The following GALK2 variants were observed in gnomAD, a reference collection of about 807,000 sequenced individuals.
The protein encoded by GALK2 is N-acetylgalactosamine kinase.
In GALK2, 36 loss-of-function variants were observed where a neutral mutation model predicts 52.4. The observed-to-expected ratio is 0.69, with a 90% CI of 0.53 to 0.91. The LOEUF (loss-of-function observed/expected upper bound fraction) is 0.91. Among genes scored for constraint, GALK2 ranks in the 40% least tolerant of loss-of-function variants. The pLI, the probability that GALK2 is intolerant of heterozygous loss-of-function variation, is 0.00. For synonymous variants in GALK2, 176 were observed against 199.1 expected (o/e 0.88, Z 0.98); for missense variants, 579 against 559.1 (o/e 1.04, Z -0.36).
At position 49,328,086 on chromosome 15, in the gene GALK2, G is replaced by C; in HGVS notation, c.1304G>C (p.Ser435Thr). ...GCTTATTACCAGAGGAGTGATGGAA[G>C]CTTAGCACCGGAGAAGCAAAGTTTG... ...HKAYYQRSDG[S>T]LAPEKQSLFA... The change falls in exon 10 of 10, where the codon AGC (serine) becomes ACC (threonine). Residue 435 changes from serine (S) to threonine (T), a missense_variant. Physicochemically the swap from Ser to Thr is moderately conservative, Grantham distance 58. Coordinates refer to ENST00000560031, the MANE Select transcript of GALK2 (RefSeq NM_002044.4). 6.2e-7 allele frequency: 1 copy of C among 1,614,098 alleles called. No individual in the cohort carries two copies. The highest frequency in any genetic ancestry group is 8.5e-7 in the Non-Finnish European group (1 of 1,179,986).
At chr15:49,267,390 C>T (rs984344913) in intron 5 of GALK2, among the ~76,000 whole-genome samples, 2 of 152,178 alleles carry the variant, frequency 1.3e-5, no homozygotes, top group African/African-American at 4.8e-5. Context: ...GGTGTTCTCA[C>T]TAAACTGATT....
intron 3 of GALK2, chr15:49,225,252 A>G (rs1213117139): frequency 6.6e-6 from 3 of 455,850 alleles, no homozygotes; most frequent in East Asian, 7.0e-5. Context: ...TGACCTGCAG[A>G]TAGGCCACAC....
chr15:49,267,250 A>C (rs1448050874), intron 5 of GALK2, among the ~76,000 whole-genome samples: 1 of 152,200 alleles, frequency 6.6e-6, no homozygotes, highest in Non-Finnish European at 1.5e-5. Context: ...AGGAGTAATG[A>C]GGATTCCAGC....
At chr15:49,291,898 T>C (rs1242051792) in intron 7 of GALK2, among the ~76,000 whole-genome samples, 1 of 152,232 alleles carries the variant, frequency 6.6e-6, no homozygotes, top group African/African-American at 2.4e-5. Flanking sequence ...CCTAATTGGA[T>C]GTACAGTATC....
exon 4 of GALK2, chr15:49,367,528 A>T (rs1489231340): frequency 6.2e-7 from 1 of 1,607,252 alleles, no homozygotes; most frequent in Non-Finnish European, 8.5e-7. Context: ...GCATCTTAAG[A>T]TAATATAAAA....
chr15:49,282,068 C>G lies in GALK2; in HGVS notation c.586C>G (p.Leu196Val). 1.2e-6 allele frequency: 2 copies of G among 1,612,404 alleles called. No individual in the cohort carries two copies. The highest frequency in any genetic ancestry group is 1.7e-6 in the Non-Finnish European group (2 of 1,178,574). The change falls in exon 6 of 10, where the codon CTT becomes GTT. Residue 196 changes from leucine (L) to valine (V), a missense_variant. By Grantham distance (32) the Leu-to-Val change is conservative. Transcript: ENST00000560031. ...GGGMDQSISF[L>V]AEEGTAKLIE... ...AGGCATGGACCAGTCTATATCATTT[C>G]TTGCAGAAGAAGGAACTGTAGGTAG...
At chr15:49,355,492 G>A (rs549059995) in intron 3 of GALK2, among the ~76,000 whole-genome samples, 57 of 152,254 alleles carry the variant, frequency 3.7e-4, no homozygotes, top group African/African-American at 1.1e-3. Flanking sequence ...GGGTATCAGC[G>A]ATGGAAGATG....
chr15:49,338,837 T>A (rs911242718), intron 3 of GALK2, among the ~76,000 whole-genome samples: 5 of 152,214 alleles, frequency 3.3e-5, no homozygotes, highest in African/African-American at 1.2e-4. Flanking sequence ...TTTCATTCTT[T>A]TTTTCTCTAA....
chr15:49,365,560 C>A lies in GALK2; in HGVS notation c.427-1931C>A, dbSNP rs1596582494. ...CAATGTTTCAGTATTTTCAAAAGGT[C>A]CAGCTGCAAGTTTAACCATGATACT... On this transcript the variant is annotated intron_variant, in intron 3 of 3. Coordinates refer to the GALK2 transcript ENST00000558399. 1.0e-5 allele frequency: 9 copies of A among 887,670 alleles called. No individual in the cohort carries two copies. The East Asian group carries it at 2.2e-4, about 21-fold the overall frequency. 55.0% of individuals were successfully genotyped at this position (887,670 alleles called of 1,614,324 possible).
chr15:49,182,858 G>T (rs1400019534), intron 1 of GALK2, among the ~76,000 whole-genome samples: 1 of 151,964 alleles, frequency 6.6e-6, no homozygotes. Context: ...CTATTACATT[G>T]TTTAAGCTCA....
intron 3 of GALK2, among the ~76,000 whole-genome samples, chr15:49,232,084 T>C (rs758183818): frequency 6.6e-6 from 1 of 152,234 alleles, no homozygotes; most frequent in Non-Finnish European, 1.5e-5. Flanking sequence ...GTAGAGATTC[T>C]CCATGACGGC....
chr15:49,194,971 A>G (rs1017370424), intron 1 of GALK2: 7 of 351,592 alleles, frequency 2.0e-5, no homozygotes, highest in African/African-American at 1.1e-4. Context: ...ATTTTTTGGG[A>G]GATTTAGTTG....
chr15:49,168,937 G>C (rs2084916882), upstream of GALK2: 1 of 153,814 alleles, frequency 6.5e-6, no homozygotes, highest in South Asian at 2.0e-4. Context: ...AAATGATAAA[G>C]AGGGACTGAA....
intron 1 of GALK2, among the ~76,000 whole-genome samples, chr15:49,176,443 A>G (rs1260741205): frequency 6.6e-6 from 1 of 152,230 alleles, no homozygotes; most frequent in Non-Finnish European, 1.5e-5. Flanking sequence ...GGCCCAAATA[A>G]ACTCTGTATT....
chr15:49,351,350 G>T (rs2042215146), intron 3 of GALK2, among the ~76,000 whole-genome samples: 1 of 152,150 alleles, frequency 6.6e-6, no homozygotes, highest in Non-Finnish European at 1.5e-5. Flanking sequence ...GGAAGATACG[G>T]AAAGAAGATA....
At chr15:49,206,775 A>G (rs2141333020) in intron 2 of GALK2, among the ~76,000 whole-genome samples, 1 of 152,244 alleles carries the variant, frequency 6.6e-6, no homozygotes, top group Middle Eastern at 3.4e-3. Flanking sequence ...CGATCGTATC[A>G]TCAGCAAACA....
chr15:49,198,092 C>G (rs2087398722), intron 1 of GALK2, among the ~76,000 whole-genome samples: 1 of 152,126 alleles, frequency 6.6e-6, no homozygotes, highest in South Asian at 2.1e-4. Context: ...TTAAAATTAC[C>G]CAGTGCACTA....
chr15:49,232,722 C>A (rs895307560), intron 3 of GALK2, among the ~76,000 whole-genome samples: 2 of 152,186 alleles, frequency 1.3e-5, no homozygotes, highest in Non-Finnish European at 2.9e-5. Flanking sequence ...CTGTCAGTAA[C>A]CTAAACCATC....
intron 2 of GALK2, among the ~76,000 whole-genome samples, chr15:49,207,311 G>T (rs941115534): frequency 6.6e-6 from 1 of 152,160 alleles, no homozygotes. Context: ...TCTTGGTTAT[G>T]TCCTTTCCTG....
Sources: gnomAD v4.1 joint callset for allele counts (sites outside exome capture counted in the v4.1 genomes callset) on GRCh38, gnomAD v4.1.1 for gene constraint, MANE v1.5 for transcripts, NCBI Gene and HGNC (gene_info 2026-07-23, HGNC 2026-07-21) for gene names.